Variants in KCNN3 observed in about 807,000 individuals in gnomAD.
KCNN3 encodes the protein potassium calcium-activated channel subfamily N member 3, also known as small conductance calcium-activated potassium channel protein 3.
KCNN3 carries 16 observed loss-of-function variants against 62.9 expected under a neutral mutation model. That is an observed-to-expected ratio of 0.25 (90% CI 0.17 to 0.39). The LOEUF (loss-of-function observed/expected upper bound fraction) is 0.39, where lower values mean the gene tolerates loss of function less well. KCNN3 is among the 10% of genes least tolerant of loss of function. KCNN3 has a pLI of 1.00. For synonymous variants in KCNN3, 370 were observed against 389.2 expected, an observed-to-expected ratio of 0.95 and a Z score of 0.58; for missense variants, 599 against 949.4, an observed-to-expected ratio of 0.63 and a Z score of 4.85.
At position 154,715,914 on chromosome 1, in the gene KCNN3, C is replaced by T. The variant is rs548677585; in HGVS notation, c.1702-911G>A. On this transcript the variant is annotated intron_variant, in intron 5 of 7. Coordinates refer to ENST00000271915, the MANE Select transcript of KCNN3 (RefSeq NM_002249.6). ...CACTGATTGGAACTATAGGTACCAACGAGCCCATTGTCTCCTTTCCCAAAT... is the reference window on the plus strand; with the variant it reads ...CACTGATTGGAACTATAGGTACCAATGAGCCCATTGTCTCCTTTCCCAAAT... 1.2e-4 allele frequency among the ~76,000 whole-genome samples: 19 copies of T among 152,298 alleles called. No homozygotes were observed. In the South Asian group the frequency reaches 3.5e-3, roughly 28 times the overall value.
At chr1:154,742,876 C>T (rs1700855210) in intron 3 of KCNN3, among the ~76,000 whole-genome samples, 1 of 152,198 alleles carries the variant, frequency 6.6e-6, no homozygotes, top group Non-Finnish European at 1.5e-5. Flanking sequence ...GGCAGCTGCA[C>T]GGATGTGGAG....
intron 1 of KCNN3, among the ~76,000 whole-genome samples, chr1:154,845,012 CA>C (rs60719320): frequency 6.7e-6 from 1 of 150,290 alleles, no homozygotes; most frequent in African/African-American, 2.5e-5. Flanking sequence ...TCTCAAAAAA[CA>C]AAAAAAAGAG....
At chr1:154,746,894 G>A (rs1319736029) in intron 3 of KCNN3, among the ~76,000 whole-genome samples, 1 of 152,190 alleles carries the variant, frequency 6.6e-6, no homozygotes, top group Non-Finnish European at 1.5e-5. Flanking sequence ...TGTAAAGTGG[G>A]GAGGGTAACA....
At chr1:154,780,075 A>ACACT (rs1344472655) in intron 2 of KCNN3, among the ~76,000 whole-genome samples, 2 of 152,114 alleles carry the variant, frequency 1.3e-5, no homozygotes, top group Non-Finnish European at 2.9e-5. Flanking sequence ...GGAGACAAGG[A>ACACT]CACTACCCAG....
intron 1 of KCNN3, among the ~76,000 whole-genome samples, chr1:154,837,870 G>C (rs1651657486): frequency 6.6e-6 from 1 of 152,226 alleles, no homozygotes; most frequent in Non-Finnish European, 1.5e-5. Context: ...GGGGTGAACT[G>C]TCTCACTGAA....
At chr1:154,804,774 T>C (rs1650099760) in intron 2 of KCNN3, among the ~76,000 whole-genome samples, 1 of 152,152 alleles carries the variant, frequency 6.6e-6, no homozygotes, top group African/African-American at 2.4e-5. Flanking sequence ...TTCTGATCCC[T>C]ATTTTATAGA....
chr1:154,770,983 G>A (rs1232320883), intron 3 of KCNN3, among the ~76,000 whole-genome samples: 2 of 152,006 alleles, frequency 1.3e-5, no homozygotes, highest in Non-Finnish European at 2.9e-5. Flanking sequence ...CTTGAACACA[G>A]GAGGCAGAGG....
intron 3 of KCNN3, among the ~76,000 whole-genome samples, chr1:154,734,715 A>G (rs1480224499): frequency 6.6e-6 from 1 of 152,236 alleles, no homozygotes. Flanking sequence ...GCATGGTATG[A>G]CGGATACTGT....
At chr1:154,806,476 C>T (rs1193640524) in intron 2 of KCNN3, among the ~76,000 whole-genome samples, 2 of 152,240 alleles carry the variant, frequency 1.3e-5, no homozygotes, top group Non-Finnish European at 2.9e-5. Flanking sequence ...GAGGAGGAAA[C>T]AGACTCAGGG....
In KCNN3 at chr1:154,814,333, T is replaced by C. The variant is rs1004335806; in HGVS notation, c.1029+7756A>G. Among the ~76,000 whole-genome samples the C allele has an allele frequency of 2.0e-5, 3 of 152,246 alleles. No homozygotes were observed. In the East Asian group the frequency reaches 5.8e-4, roughly 29 times the overall value. ...ACCTACTATGTGCTAGGCACTCTCA[T>C]GCCTTTGGGGGTCCAACAGTGAAAC... On this transcript the variant is annotated intron_variant, in intron 2 of 7. Transcript: ENST00000271915.
At chr1:154,755,742 C>A (rs1402138062) in intron 3 of KCNN3, among the ~76,000 whole-genome samples, 1 of 131,516 alleles carries the variant, frequency 7.6e-6, no homozygotes, top group Non-Finnish European at 1.6e-5. Context: ...AAGAAGAAGG[C>A]AAAGAAGAAG....
chr1:154,843,380 C>A (rs1651915446), intron 1 of KCNN3, among the ~76,000 whole-genome samples: 1 of 152,154 alleles, frequency 6.6e-6, no homozygotes, highest in African/African-American at 2.4e-5. Context: ...GAGCCCACAT[C>A]CCCGGGCTTC....
chr1:154,769,052 C>T lies in KCNN3; in HGVS notation c.1448+2923G>A, dbSNP rs182567379. 9.2e-5 allele frequency among the ~76,000 whole-genome samples: 14 copies of T among 152,156 alleles called. No homozygotes were observed. The East Asian group carries it at 2.7e-3, about 29-fold the overall frequency. ...ACGCTTATTATTAATAGCTCTGTGA[C>T]CTCGGGCCAGTTACTTTCTATCAGT... On this transcript the variant is annotated intron_variant, in intron 3 of 7. Coordinates refer to ENST00000271915, the MANE Select transcript of KCNN3 (RefSeq NM_002249.6).
chr1:154,826,050 AAAAAACAAAAACAAAAAC>A (rs554590439), intron 1 of KCNN3, among the ~76,000 whole-genome samples: 4 of 70,056 alleles, frequency 5.7e-5, no homozygotes, highest in African/African-American at 3.7e-4. Context: ...CCATCTTAAA[AAAAAACAAAAACAAAAAC>A]AAAAACAAAA....
chr1:154,822,219 G>T (rs774031104), intron 1 of KCNN3, 35 bp from the exon 2 acceptor site: 6 of 1,458,036 alleles, frequency 4.1e-6, no homozygotes, highest in Non-Finnish European at 5.8e-6. Context: ...ATTAGGGAGT[G>T]CGGGGAAAGG....
At chr1:154,798,134 A>G (rs902234628) in intron 2 of KCNN3, among the ~76,000 whole-genome samples, 3 of 152,184 alleles carry the variant, frequency 2.0e-5, no homozygotes, top group Non-Finnish European at 1.5e-5. Context: ...AATTGCCAGC[A>G]GCAACTGGTA....
intron 3 of KCNN3, among the ~76,000 whole-genome samples, chr1:154,741,976 G>A (rs554994496): frequency 4.5e-4 from 69 of 152,330 alleles, no homozygotes; most frequent in African/African-American, 1.5e-3. Context: ...ACCTGGCTTG[G>A]CCCCCTGGCG....
intron 2 of KCNN3, among the ~76,000 whole-genome samples, chr1:154,788,680 C>T (rs916903985): frequency 1.3e-5 from 2 of 152,170 alleles, no homozygotes; most frequent in Admixed American, 6.5e-5. Context: ...CCGCCAAACC[C>T]GTCAGCATCC....
At chr1:154,844,758 C>T (rs1377606940) in intron 1 of KCNN3, among the ~76,000 whole-genome samples, 1 of 152,202 alleles carries the variant, frequency 6.6e-6, no homozygotes, top group African/African-American at 2.4e-5. Context: ...GTAATCCCAG[C>T]ACTTTGGGAG....
Sources: gnomAD v4.1 joint callset for allele counts (sites outside exome capture counted in the v4.1 genomes callset) on GRCh38, gnomAD v4.1.1 for gene constraint, MANE v1.5 for transcripts, NCBI Gene and HGNC (gene_info 2026-07-23, HGNC 2026-07-21) for gene names.